MARK4: variants seen among roughly 807,000 people sequenced by gnomAD.
MARK4 encodes the protein microtubule affinity regulating kinase 4.
A neutral mutation model predicts 81.5 loss-of-function variants in MARK4; 19 were observed. The ratio of observed to expected loss-of-function variants is 0.23; its 90% CI spans 0.16 to 0.34. The LOEUF is 0.34. MARK4 is among the 10% of genes least tolerant of loss of function. The probability of loss-of-function intolerance (pLI) is 1.00; values close to 1 mark genes in which losing one functional copy is unlikely to be tolerated. For synonymous variants in MARK4, 436 were observed against 439.0 expected (o/e 0.99, Z 0.08); for missense variants, 772 against 1,058.8 (o/e 0.73, Z 3.76).
intron 1 of MARK4, among the ~76,000 whole-genome samples, chr19:45,257,950 A>C (rs536968264): frequency 6.7e-6 from 1 of 150,310 alleles, no homozygotes; most frequent in South Asian, 2.1e-4. Context: ...CGGCCTCCCA[A>C]AGTGCTGGAA....
At position 45,271,944 on chromosome 19, in the gene MARK4, A is replaced by G. The variant is rs1292022821; in HGVS notation, c.786+236A>G. Among the ~76,000 whole-genome samples, 2 of 151,956 alleles carry G rather than the reference A, an allele frequency of 1.3e-5. No individual in the cohort carries two copies. Among genetic ancestry groups the G allele is most frequent in the African/African-American group, 4.8e-5 (2 of 41,346 alleles). ...CTGATAGGCTTGAGTTCAAATCCTG[A>G]CTCATCCGTTCACTGAGCTAATATT... On this transcript the variant is annotated intron_variant, in intron 8 of 16. Coordinates refer to ENST00000262891, the MANE Select transcript of MARK4 (RefSeq NM_001199867.2). The surrounding 1 kb of genome is among the most constrained non-coding windows in gnomAD (Gnocchi z 4.1).
intron 16 of MARK4, 36 bp downstream of exon 16, chr19:45,299,891 C>G (rs762066186): frequency 6.3e-7 from 1 of 1,575,014 alleles, no homozygotes; most frequent in African/African-American, 1.4e-5. Context: ...TGCCACTTCC[C>G]CTCTCCTGCC....
Position 45,264,930 on chromosome 19 carries a change from TG to T in MARK4, c.492+24del. Reference sequence around the variant, plus strand: ...CGACAGGTTGGGGCAGGGCTGAGGGTGGGGCTGACTGGGTGCCTGGGTCCCT... The same window carrying T: ...CGACAGGTTGGGGCAGGGCTGAGGGTGGGCTGACTGGGTGCCTGGGTCCCT... On this transcript the variant is annotated intron_variant, in intron 6 of 16. Coordinates refer to ENST00000262891, the MANE Select transcript of MARK4 (RefSeq NM_001199867.2). The T allele has an allele frequency of 6.2e-7, 1 of 1,612,220 alleles. No individual in the cohort carries two copies. The highest frequency in any genetic ancestry group is 8.5e-7 in the Non-Finnish European group (1 of 1,178,828).
At chr19:45,258,515 C>CA (rs1449103687) in intron 1 of MARK4, among the ~76,000 whole-genome samples, 1 of 151,952 alleles carries the variant, frequency 6.6e-6, no homozygotes, top group African/African-American at 2.4e-5. Flanking sequence ...GCTTAGTCAA[C>CA]ATGGTGAAAC....
At chr19:45,293,188 T>C (rs35051936) in intron 13 of MARK4, among the ~76,000 whole-genome samples, 32,426 of 151,884 alleles carry the variant, frequency 0.21, 4,112 homozygotes, top group Non-Finnish European at 0.3. Flanking sequence ...TTCACTTGAA[T>C]CTGGGAGGTG....
In MARK4 at chr19:45,263,354, C is replaced by A; in HGVS notation, c.342C>A (p.Asn114Lys). 3 of 1,614,166 alleles carry A rather than the reference C, an allele frequency of 1.9e-6. No homozygotes were observed. Among genetic ancestry groups the A allele is most frequent in the Non-Finnish European group, 2.5e-6 (3 of 1,180,022 alleles). ...FREVRIMKGL[N>K]HPNIVKLFEV... ...AAGTCCGCATCATGAAGGGCCTAAA[C>A]CACCCCAACATCGGTGAGGAGGGAA... Residue 114 changes from asparagine to lysine, a missense_variant, in exon 4 of 17, where the codon AAC becomes AAA. Asn to Lys is a moderately conservative substitution (Grantham distance 94). Coordinates refer to ENST00000262891, the MANE Select transcript of MARK4 (RefSeq NM_001199867.2).
At chr19:45,276,170 G>T (rs567976322) in intron 8 of MARK4, among the ~76,000 whole-genome samples, 1 of 152,152 alleles carries the variant, frequency 6.6e-6, no homozygotes, top group Non-Finnish European at 1.5e-5. Context: ...GGGACCACAG[G>T]CATGTGCCAC....
At chr19:45,269,430 A>G (rs994064746) in intron 7 of MARK4, among the ~76,000 whole-genome samples, 5 of 152,136 alleles carry the variant, frequency 3.3e-5, no homozygotes, top group Non-Finnish European at 5.9e-5. Flanking sequence ...ATGCTATTAC[A>G]TTCAGGTTTA....
At position 45,294,346 on chromosome 19, in the gene MARK4, C is replaced by T. The variant is rs770165244; in HGVS notation, c.1495-3C>T. On this transcript the variant is annotated splice_region_variant and splice_polypyrimidine_tract_variant and intron_variant, in intron 13 of 16. Coordinates refer to ENST00000262891, the MANE Select transcript of MARK4 (RefSeq NM_001199867.2). ...ACTCCCTTCCTGGCTGTGTCTCCTG[C>T]AGAACAACCTCCCTCCTAGCATGAT... is the stretch of plus-strand genomic sequence containing the variant. 4 of 1,613,816 alleles carry T rather than the reference C, an allele frequency of 2.5e-6. No homozygotes were observed. The highest frequency in any genetic ancestry group is 1.3e-5 in the African/African-American group (1 of 74,898).
chr19:45,290,587 C>T (rs769497087), intron 13 of MARK4, among the ~76,000 whole-genome samples: 36 of 152,230 alleles, frequency 2.4e-4, no homozygotes, highest in African/African-American at 2.9e-4. Context: ...CCTTGGCCAA[C>T]GGTATCTGGC....
chr19:45,292,289 G>C (rs1050851996), intron 13 of MARK4, among the ~76,000 whole-genome samples: 3 of 151,710 alleles, frequency 2.0e-5, no homozygotes, highest in African/African-American at 7.3e-5. Context: ...AGAGAAAAAG[G>C]GTGGAGGCAG....
At chr19:45,290,790 C>T (rs146992780) in intron 13 of MARK4, among the ~76,000 whole-genome samples, 290 of 152,320 alleles carry the variant, frequency 1.9e-3, no homozygotes, top group African/African-American at 6.9e-3. Context: ...GACCCTGCCA[C>T]CACCTGTGAG....
At chr19:45,297,048 C>CAAA (rs35511511) in intron 14 of MARK4, among the ~76,000 whole-genome samples, 2,337 of 90,468 alleles carry the variant, frequency 0.026, 27 homozygotes, top group Non-Finnish European at 0.041. Flanking sequence ...GACTCTGTCT[C>CAAA]AAAAAAAAAA....
chr19:45,272,293 C>A (rs1970539049), intron 8 of MARK4, among the ~76,000 whole-genome samples: 1 of 152,208 alleles, frequency 6.6e-6, no homozygotes, highest in Non-Finnish European at 1.5e-5. Flanking sequence ...GATCGTGCCA[C>A]TGCACTCCAA....
At chr19:45,288,414 G>C (rs1001041172) in intron 13 of MARK4, 4 of 151,858 alleles carry the variant, frequency 2.6e-5, no homozygotes, top group South Asian at 2.1e-4. Context: ...TCAGCTGGGC[G>C]TGGTGGCGGG....
chr19:45,259,245 G>A lies in MARK4; in HGVS notation c.252+56G>A, dbSNP rs77737452. 1.4e-3 allele frequency: 2,236 copies of A among 1,583,126 alleles called. 29 individuals are homozygous for A. The African/African-American group carries it at 0.025, about 17-fold the overall frequency. On this transcript the variant is annotated intron_variant, in intron 2 of 16. Transcript: ENST00000262891. ...CAGGTCCCTGTGGGACCAGGTCTTC[G>A]GTGTATGTTGATAGAGGTCAGGATT...
At chr19:45,279,362 C>T (rs575528801) in intron 10 of MARK4, among the ~76,000 whole-genome samples, 63 of 152,252 alleles carry the variant, frequency 4.1e-4, no homozygotes, top group Non-Finnish European at 6.9e-4. Flanking sequence ...ACTAAGAATA[C>T]AAAAATTAGA....
At chr19:45,286,344 G>A (rs767395313) in intron 12 of MARK4, among the ~76,000 whole-genome samples, 18 of 151,206 alleles carry the variant, frequency 1.2e-4, no homozygotes, top group African/African-American at 2.9e-4. Flanking sequence ...GTGAGCCACC[G>A]CGCCTGGCCC....
intron 15 of MARK4, chr19:45,298,281 C>T (rs1970919973): frequency 4.5e-6 from 7 of 1,559,440 alleles, no homozygotes; most frequent in Non-Finnish European, 6.2e-6. Flanking sequence ...CATGTCTGAC[C>T]TGTGTGTGCG....
Sources: gnomAD v4.1 joint callset for allele counts (sites outside exome capture counted in the v4.1 genomes callset) on GRCh38, gnomAD v4.1.1 for gene constraint, Gnocchi (gnomAD v3.1) non-coding constraint, MANE v1.5 for transcripts, NCBI Gene and HGNC (gene_info 2026-07-23, HGNC 2026-07-21) for gene names.